Variants in SGCZ observed in about 807,000 individuals in gnomAD.
SGCZ encodes sarcoglycan zeta, also known as zeta-sarcoglycan.
In SGCZ, 40 loss-of-function variants were observed where a neutral mutation model predicts 41.3. That is an observed-to-expected ratio of 0.97 (90% CI 0.75 to 1.26). SGCZ has a LOEUF of 1.26. Ranked by LOEUF, SGCZ falls within the 50% of genes most tolerant of loss-of-function variation. The pLI is 0.00. For missense variants in SGCZ, 552 were observed against 369.8 expected (o/e 1.49, Z -4.04); for synonymous variants, 206 against 137.5 (o/e 1.50, Z -3.49).
intron 3 of SGCZ, among the ~76,000 whole-genome samples, chr8:14,285,289 C>A (rs897889938): frequency 2.0e-5 from 3 of 152,124 alleles, no homozygotes; most frequent in African/African-American, 4.8e-5. Flanking sequence ...TAAAAACATT[C>A]CCAATTTCTT....
At chr8:14,431,508 T>A (rs897773737) in intron 2 of SGCZ, among the ~76,000 whole-genome samples, 3 of 152,136 alleles carry the variant, frequency 2.0e-5, no homozygotes, top group African/African-American at 7.2e-5. Flanking sequence ...TGAAACTGGA[T>A]CTTCACCTCT....
intron 1 of SGCZ, among the ~76,000 whole-genome samples, chr8:14,907,773 G>A (rs567403529): frequency 6.6e-6 from 1 of 152,272 alleles, no homozygotes; most frequent in African/African-American, 2.4e-5. Context: ...GCACAGAAAT[G>A]AGCCACAATT....
intron 2 of SGCZ, among the ~76,000 whole-genome samples, chr8:14,514,813 G>GTA (rs753396790): frequency 9.2e-4 from 23 of 24,946 alleles, no homozygotes; most frequent in Admixed American, 2.2e-3. Flanking sequence ...GTGTGTGTGT[G>GTA]TATATATACA....
At chr8:15,034,131 A>G (rs1803786366) in intron 1 of SGCZ, among the ~76,000 whole-genome samples, 1 of 152,214 alleles carries the variant, frequency 6.6e-6, no homozygotes, top group Admixed American at 6.5e-5. Context: ...AATGGGTTCT[A>G]CCCCAAACAG....
intron 2 of SGCZ, among the ~76,000 whole-genome samples, chr8:14,341,467 T>A (rs893149746): frequency 7.2e-5 from 11 of 152,184 alleles, no homozygotes; most frequent in African/African-American, 2.7e-4. Flanking sequence ...ATAATAGCCA[T>A]CCTAATGGGT....
At chr8:15,001,196 T>C (rs1175342152) in intron 1 of SGCZ, among the ~76,000 whole-genome samples, 1 of 152,156 alleles carries the variant, frequency 6.6e-6, no homozygotes, top group African/African-American at 2.4e-5. Flanking sequence ...CAATGCAATT[T>C]TGACGAGAGA....
chr8:14,333,905 G>C (rs1802421600), intron 2 of SGCZ, among the ~76,000 whole-genome samples: 1 of 152,054 alleles, frequency 6.6e-6, no homozygotes, highest in Admixed American at 6.6e-5. Context: ...CAGATGTTTA[G>C]GAAGTCTATG....
At chr8:14,581,090 T>C (rs7009623) in intron 1 of SGCZ, among the ~76,000 whole-genome samples, 6,745 of 152,202 alleles carry the variant, frequency 0.044, 363 homozygotes, top group African/African-American at 0.13. Context: ...TCTCGTACTT[T>C]GGTTACTAAT....
At chr8:15,231,596 G>A (rs1428687486) in intron 1 of SGCZ, among the ~76,000 whole-genome samples, 1 of 146,624 alleles carries the variant, frequency 6.8e-6, no homozygotes, top group Admixed American at 6.8e-5. Flanking sequence ...AAAAACTTTG[G>A]ATGTTAATAT....
intron 4 of SGCZ, among the ~76,000 whole-genome samples, chr8:14,202,239 G>A (rs1473877818): frequency 6.6e-6 from 1 of 152,166 alleles, no homozygotes; most frequent in African/African-American, 2.4e-5. Flanking sequence ...ATGAAAGACA[G>A]TCACGGGCCA....
At chr8:14,622,445 G>C (rs1257359326) in intron 1 of SGCZ, among the ~76,000 whole-genome samples, 1 of 152,130 alleles carries the variant, frequency 6.6e-6, no homozygotes. Context: ...CAATTCTCTA[G>C]CTGAGAGTGT....
At position 14,663,216 on chromosome 8, in the gene SGCZ, C is replaced by A. The variant is rs147480075; in HGVS notation, c.40-108290G>T. ...TCTTAAATAGGGACAATTGTACCTACCCCTTGGTATGATTTTGAAAATTTA... is the reference window on the plus strand; with the variant it reads ...TCTTAAATAGGGACAATTGTACCTAACCCTTGGTATGATTTTGAAAATTTA... On this transcript the variant is annotated intron_variant, in intron 1 of 7. Transcript: ENST00000382080. 7.1e-4 allele frequency among the ~76,000 whole-genome samples: 108 copies of A among 152,250 alleles called. 1 individual carries two copies. Among genetic ancestry groups the A allele is most frequent in the Non-Finnish European group, 1.4e-3 (94 of 67,996 alleles).
At chr8:14,967,517 T>C (rs1801160355) in intron 1 of SGCZ, among the ~76,000 whole-genome samples, 1 of 152,138 alleles carries the variant, frequency 6.6e-6, no homozygotes. Context: ...ATTTCCAGAC[T>C]CTCATACTCA....
At chr8:14,326,536 A>T (rs1802123877) in intron 2 of SGCZ, among the ~76,000 whole-genome samples, 1 of 152,130 alleles carries the variant, frequency 6.6e-6, no homozygotes, top group Non-Finnish European at 1.5e-5. Context: ...GCCCCATAGA[A>T]GGAGAAAGTA....
chr8:14,647,265 G>A (rs940664352), intron 1 of SGCZ, among the ~76,000 whole-genome samples: 1 of 151,954 alleles, frequency 6.6e-6, no homozygotes, highest in African/African-American at 2.4e-5. Flanking sequence ...TCTGTTATAG[G>A]ATATGCATAA....
At chr8:14,740,954 C>T (rs980516233) in intron 1 of SGCZ, among the ~76,000 whole-genome samples, 3 of 151,980 alleles carry the variant, frequency 2.0e-5, no homozygotes, top group African/African-American at 7.2e-5. Context: ...TATTATTCTG[C>T]AACATATACC....
At chr8:15,164,152 A>G (rs1799588154) in intron 1 of SGCZ, among the ~76,000 whole-genome samples, 1 of 152,206 alleles carries the variant, frequency 6.6e-6, no homozygotes, top group Admixed American at 6.5e-5. Flanking sequence ...CATGGGACAA[A>G]GAACCGTGTC....
At chr8:14,740,425 T>A (rs1030539728) in intron 1 of SGCZ, among the ~76,000 whole-genome samples, 3 of 152,008 alleles carry the variant, frequency 2.0e-5, no homozygotes, top group African/African-American at 7.2e-5. Flanking sequence ...AACCAAAGTT[T>A]TACTTCACAG....
intron 2 of SGCZ, among the ~76,000 whole-genome samples, chr8:14,524,863 T>G (rs1422994685): frequency 6.6e-6 from 1 of 152,128 alleles, no homozygotes; most frequent in African/African-American, 2.4e-5. Flanking sequence ...GTAGCATGTC[T>G]GAAAGTAATA....
Sources: allele counts gnomAD v4.1 joint callset (sites outside exome capture counted in the v4.1 genomes callset), GRCh38; gene constraint gnomAD v4.1.1; transcripts MANE v1.5; gene names NCBI Gene and HGNC (gene_info 2026-07-23, HGNC 2026-07-21).